The following CCDC15 variants were observed in gnomAD, a reference collection of about 807,000 sequenced individuals.
CCDC15 encodes the protein coiled-coil domain containing 15.
CCDC15 carries 105 observed loss-of-function variants against 114.5 expected under a neutral mutation model. The ratio of observed to expected loss-of-function variants is 0.92; its 90% CI spans 0.78 to 1.08. The LOEUF (loss-of-function observed/expected upper bound fraction) is 1.08. Among genes scored for constraint, CCDC15 ranks in the 50% least tolerant of loss-of-function variants. The probability of loss-of-function intolerance (pLI) is 0.00; values close to 1 mark genes in which losing one functional copy is unlikely to be tolerated. For missense variants in CCDC15, 1,105 were observed against 1,093.6 expected, an observed-to-expected ratio of 1.01 and a Z score of -0.15; for synonymous variants, 334 against 377.8, an observed-to-expected ratio of 0.88 and a Z score of 1.34.
Position 124,993,180 on chromosome 11 carries a change from C to A in CCDC15, c.2151C>A (p.Ile717=), listed in dbSNP as rs574765189. The change falls in exon 11 of 16, where the codon ATC becomes ATA. Residue 717 remains isoleucine (I), a synonymous_variant. Transcript: ENST00000344762. ...QDSPREQNKH[I]KLPSSFEKWE... ...TGTTGTTCCTTTAGAACAAGCATATCAAACTACCCTCATCTTTTGAGAAAT... is the reference window on the plus strand; with the variant it reads ...TGTTGTTCCTTTAGAACAAGCATATAAAACTACCCTCATCTTTTGAGAAAT... The A allele has an allele frequency of 1.9e-6, 3 of 1,603,804 alleles. No individual in the cohort carries two copies. Among genetic ancestry groups the A allele is most frequent in the African/African-American group, 1.3e-5 (1 of 74,722 alleles).
At position 124,978,946 on chromosome 11, in the gene CCDC15, C is replaced by A. The variant is rs182398398; in HGVS notation, c.753+1346C>A. On this transcript the variant is annotated intron_variant, in intron 6 of 15. Transcript: ENST00000344762. ...ATGCTTTTAGGTTTTACATTTAAGT[C>A]TTTAATTCATCTTGAGTTGATTTTT... is the stretch of plus-strand genomic sequence containing the variant. 8.6e-5 allele frequency among the ~76,000 whole-genome samples: 13 copies of A among 152,002 alleles called. 1 individual carries two copies. The highest frequency in any genetic ancestry group is 6.8e-3 in the Middle Eastern group (2 of 294).
rs1398467750 is a variant in CCDC15, at chr11:125,011,239, A to ATT, written c.2411+6028_2411+6029dup. Reference sequence around the variant, plus strand: ...TAGAAGTATTATTATTATTATTATTATTATTATTATTTTTTAAGATGGAGT... The same window carrying ATT: ...TAGAAGTATTATTATTATTATTATTATTTTATTATTATTTTTTAAGATGGAGT... On this transcript the variant is annotated intron_variant, in intron 13 of 15. Transcript: ENST00000344762. Among the ~76,000 whole-genome samples the ATT allele has an allele frequency of 9.5e-3, 1,279 of 135,130 alleles. 32 individuals carry two copies. Among genetic ancestry groups the ATT allele is most frequent in the African/African-American group, 0.033 (1,148 of 34,560 alleles). The allele number at this position is 135,130 out of a possible 152,430, so 88.7% of individuals were successfully genotyped here. A position where few individuals can be genotyped will look rare whatever the true frequency, so the allele number is the denominator to read the frequency against.
chr11:124,976,115 AAT>A (rs1257446705), intron 5 of CCDC15, among the ~76,000 whole-genome samples: 2 of 151,272 alleles, frequency 1.3e-5, no homozygotes, highest in Admixed American at 6.6e-5. Flanking sequence ...TTTGCCAATA[AAT>A]ATGTTATTTT....
At chr11:124,972,315 A>G (rs953215498) in intron 4 of CCDC15, among the ~76,000 whole-genome samples, 1 of 152,206 alleles carries the variant, frequency 6.6e-6, no homozygotes, top group Non-Finnish European at 1.5e-5. Flanking sequence ...ATTTACACAC[A>G]TACAACACAT....
At chr11:125,004,478 G>T (rs1005073429) in intron 12 of CCDC15, among the ~76,000 whole-genome samples, 1 of 151,920 alleles carries the variant, frequency 6.6e-6, no homozygotes, top group African/African-American at 2.4e-5. Flanking sequence ...CTACTATTTA[G>T]AACTTCAGTA....
chr11:125,032,272 A>G lies in CCDC15; in HGVS notation c.2412-6159A>G, dbSNP rs955814075. 3.3e-5 allele frequency among the ~76,000 whole-genome samples: 5 copies of G among 152,278 alleles called. No individual in the cohort carries two copies. In the East Asian group the frequency reaches 7.7e-4, roughly 23 times the overall value. ...ACCCCTGAGGTAGGACAGTAAAGGTATATTGCTGGCCTTGCCAGCTGAAGG... is the reference window on the plus strand; with the variant it reads ...ACCCCTGAGGTAGGACAGTAAAGGTGTATTGCTGGCCTTGCCAGCTGAAGG... On this transcript the variant is annotated intron_variant, in intron 13 of 15. Transcript: ENST00000344762.
intron 13 of CCDC15, among the ~76,000 whole-genome samples, chr11:125,016,276 C>G (rs191614096): frequency 4.0e-4 from 61 of 151,882 alleles, no homozygotes; most frequent in Non-Finnish European, 4.1e-4. Context: ...TTAATATTCC[C>G]TTTGTGTATG....
chr11:124,990,239 G>A (rs375890691), intron 8 of CCDC15, among the ~76,000 whole-genome samples: 1 of 152,188 alleles, frequency 6.6e-6, no homozygotes, highest in African/African-American at 2.4e-5. Flanking sequence ...AGAACAGTGA[G>A]AACACACACA....
At chr11:124,977,738 A>G in intron 6 of CCDC15, 138 bp downstream of exon 6, 1 of 827,846 alleles carries the variant, frequency 1.2e-6, no homozygotes, top group Non-Finnish European at 1.7e-6. Flanking sequence ...CATATACCAT[A>G]CAATTCACCC....
At chr11:125,024,063 GA>G (rs1400001112) in intron 13 of CCDC15, among the ~76,000 whole-genome samples, 1 of 151,902 alleles carries the variant, frequency 6.6e-6, no homozygotes, top group African/African-American at 2.4e-5. Flanking sequence ...TTTATGATAT[GA>G]AAATTGTATC....
At chr11:124,992,550 T>A (rs1948288285) in intron 9 of CCDC15, 30 bp from the exon 10 acceptor site, 6 of 1,364,570 alleles carry the variant, frequency 4.4e-6, no homozygotes, top group Non-Finnish European at 6.1e-6. Context: ...TTTTCTGTTG[T>A]TGTTTTTCCT....
intron 13 of CCDC15, among the ~76,000 whole-genome samples, chr11:125,005,786 C>A (rs553771472): frequency 1.1e-4 from 16 of 152,212 alleles, no homozygotes; most frequent in African/African-American, 3.6e-4. Flanking sequence ...TTTTCCAGAA[C>A]GTCATATAGT....
chr11:124,998,259 GACC>G (rs1280565067), intron 11 of CCDC15, among the ~76,000 whole-genome samples: 3 of 152,144 alleles, frequency 2.0e-5, no homozygotes, highest in Non-Finnish European at 4.4e-5. Flanking sequence ...TTGTAGTGCT[GACC>G]ACATTTGTTT....
intron 13 of CCDC15, among the ~76,000 whole-genome samples, chr11:125,035,680 G>T (rs1948770343): frequency 6.6e-6 from 1 of 152,010 alleles, no homozygotes. Flanking sequence ...TTTAGTGAAG[G>T]TGATTTTCTC....
chr11:124,958,957 T>A (rs1379696938), intron 2 of CCDC15, among the ~76,000 whole-genome samples, 158 bp from the exon 3 acceptor site: 1 of 152,182 alleles, frequency 6.6e-6, no homozygotes, highest in African/African-American at 2.4e-5. Context: ...CAATAAAAAA[T>A]TTAAGATTTG....
At chr11:125,020,921 T>C (rs540012627) in intron 13 of CCDC15, among the ~76,000 whole-genome samples, 125 of 150,426 alleles carry the variant, frequency 8.3e-4, no homozygotes, top group African/African-American at 2.8e-3. Context: ...AAGCTGTGGA[T>C]TTTTTTTTTC....
At position 124,987,767 on chromosome 11, in the gene CCDC15, A is replaced by G. The variant is rs751528182; in HGVS notation, c.1541A>G (p.Gln514Arg). Residue 514 changes from glutamine (Q) to arginine (R), a missense_variant, in exon 8 of 16, where the codon CAG becomes CGG. Gln to Arg is a conservative substitution (Grantham distance 43). Transcript: ENST00000344762. Reference protein sequence around the residue: ...PKDQNFLSRDQHVLPKDQNIL... With the variant: ...PKDQNFLSRDRHVLPKDQNIL... ...GACCAGAATTTTTTGTCTAGAGACC[A>G]GCATGTTCTCCCCAAAGACCAGAAT... is the stretch of plus-strand genomic sequence containing the variant. The G allele has an allele frequency of 2.5e-6, 4 of 1,613,918 alleles. No homozygotes were observed. In the South Asian group the frequency reaches 3.3e-5, roughly 13 times the overall value.
At chr11:124,988,798 AACTCC>A (rs1266328799) in intron 8 of CCDC15, among the ~76,000 whole-genome samples, 2 of 152,254 alleles carry the variant, frequency 1.3e-5, no homozygotes, top group Non-Finnish European at 2.9e-5. Context: ...CATAAGAAGT[AACTCC>A]TTATCCATTT....
intron 3 of CCDC15, among the ~76,000 whole-genome samples, chr11:124,959,590 A>G (rs985088454): frequency 6.6e-6 from 1 of 152,194 alleles, no homozygotes; most frequent in African/African-American, 2.4e-5. Context: ...CATCCATAAA[A>G]TAAGGATATG....
Sources: gnomAD v4.1 joint callset for allele counts (sites outside exome capture counted in the v4.1 genomes callset) on GRCh38, gnomAD v4.1.1 for gene constraint, MANE v1.5 for transcripts, NCBI Gene and HGNC (gene_info 2026-07-23, HGNC 2026-07-21) for gene names.